MYO10: variants seen among roughly 807,000 people sequenced by gnomAD.
MYO10 encodes unconventional myosin-X.
MYO10 carries 133 observed loss-of-function variants against 257.3 expected under a neutral mutation model. The ratio of observed to expected loss-of-function variants is 0.52; its 90% CI spans 0.45 to 0.60. The LOEUF is 0.60. MYO10 is among the 20% of genes least tolerant of loss of function. The probability of loss-of-function intolerance (pLI) is 0.00; values close to 1 mark genes in which losing one functional copy is unlikely to be tolerated. For missense variants in MYO10, 2,399 were observed against 2,635.7 expected, an observed-to-expected ratio of 0.91 and a Z score of 1.97; for synonymous variants, 1,104 against 1,028.6, an observed-to-expected ratio of 1.07 and a Z score of -1.40.
At chr5:16,826,250 C>T (rs1479240704) in intron 2 of MYO10, among the ~76,000 whole-genome samples, 1 of 152,088 alleles carries the variant, frequency 6.6e-6, no homozygotes, top group Non-Finnish European at 1.5e-5. Flanking sequence ...TTGACCTCTC[C>T]TAGATCTATG....
intron 27 of MYO10, 94 bp from the exon 28 acceptor site, chr5:16,690,013 G>T: frequency 1.1e-6 from 1 of 921,092 alleles, no homozygotes; most frequent in Non-Finnish European, 1.8e-6. Flanking sequence ...CTAGAGTTGG[G>T]AACTGTCTGT....
intron 19 of MYO10, among the ~76,000 whole-genome samples, chr5:16,717,665 A>G (rs1280871518): frequency 6.6e-6 from 1 of 152,220 alleles, no homozygotes; most frequent in Non-Finnish European, 1.5e-5. Context: ...ACGGACAATC[A>G]TCAGCGGACC....
At chr5:16,688,694 T>A (rs758526845) in intron 28 of MYO10, among the ~76,000 whole-genome samples, 1 of 150,128 alleles carries the variant, frequency 6.7e-6, no homozygotes, top group Non-Finnish European at 1.5e-5. Context: ...GAGCCAAGAT[T>A]GCACCAGTGC....
At position 16,902,465 on chromosome 5, in the gene MYO10, G is replaced by A. The variant is rs549063827; in HGVS notation, c.22-24758C>T. Reference sequence around the variant, plus strand: ...ACAGCTTGGGAAGCACATAGGCATCGAAGACGCTCGCTTCAGACATGTCCC... The same window carrying A: ...ACAGCTTGGGAAGCACATAGGCATCAAAGACGCTCGCTTCAGACATGTCCC... On this transcript the variant is annotated intron_variant, in intron 1 of 40. Transcript: ENST00000513610. 74 of 1,450,794 alleles carry A rather than the reference G, an allele frequency of 5.1e-5. No homozygotes were observed. The East Asian group carries it at 1.2e-3, about 23-fold the overall frequency. The allele number at this position is 1,450,794 out of a possible 1,614,324, so 89.9% of individuals were successfully genotyped here.
intron 3 of MYO10, chr5:16,814,508 T>A (rs1257012584): frequency 1.3e-5 from 2 of 152,154 alleles, no homozygotes; most frequent in African/African-American, 2.4e-5. Context: ...AGAAAACTAA[T>A]GCAACATCTC....
At chr5:16,759,865 A>T (rs2126647912) in intron 17 of MYO10, among the ~76,000 whole-genome samples, 1 of 152,336 alleles carries the variant, frequency 6.6e-6, no homozygotes, top group Non-Finnish European at 1.5e-5. Context: ...CCTCACATAG[A>T]AGAGTTAAAA....
intron 3 of MYO10, 145 bp from the exon 4 acceptor site, chr5:16,794,978 A>C (rs1459452903): frequency 1.1e-5 from 6 of 551,144 alleles, no homozygotes; most frequent in Admixed American, 4.1e-5. Flanking sequence ...CTGGGTACCA[A>C]ATCTTGATAT....
chr5:16,888,496 G>A (rs190249667), intron 1 of MYO10, among the ~76,000 whole-genome samples: 46 of 152,064 alleles, frequency 3.0e-4, no homozygotes, highest in Non-Finnish European at 6.3e-4. Flanking sequence ...TCAGGAGGCT[G>A]AGGCAGGAGA....
intron 17 of MYO10, among the ~76,000 whole-genome samples, chr5:16,760,861 G>A (rs31509): frequency 0.72 from 109,122 of 151,942 alleles, 39,472 homozygotes; most frequent in African/African-American, 0.77. Context: ...CTGCTTCAAG[G>A]CTCGGTTTCC....
intron 1 of MYO10, among the ~76,000 whole-genome samples, chr5:16,891,048 C>T (rs1168295210): frequency 1.3e-5 from 2 of 151,604 alleles, no homozygotes; most frequent in South Asian, 4.1e-4. Flanking sequence ...TTTGGGAGGC[C>T]GATACAGGCG....
At chr5:16,683,187 C>T (rs1235408561) in intron 30 of MYO10, among the ~76,000 whole-genome samples, 1 of 152,178 alleles carries the variant, frequency 6.6e-6, no homozygotes, top group Non-Finnish European at 1.5e-5. Flanking sequence ...TTTTAACACA[C>T]TCGTATTCAC....
At chr5:16,678,764 G>A (rs911931221) in intron 33 of MYO10, among the ~76,000 whole-genome samples, 1 of 152,196 alleles carries the variant, frequency 6.6e-6, no homozygotes, top group Non-Finnish European at 1.5e-5. Context: ...GATCTGGTTA[G>A]CTAATTTCCT....
intron 3 of MYO10, among the ~76,000 whole-genome samples, chr5:16,800,957 A>C (rs914546778): frequency 6.6e-6 from 1 of 152,184 alleles, no homozygotes; most frequent in Admixed American, 6.5e-5. Flanking sequence ...TTTTCCAAAA[A>C]GATTTGTATT....
rs551751326 is a variant in MYO10 at position 16,900,684 on chromosome 5, A to C, written c.22-22977T>G. 8.6e-5 allele frequency among the ~76,000 whole-genome samples: 13 copies of C among 150,730 alleles called. 1 individual carries two copies. The South Asian group carries it at 2.5e-3, about 29-fold the overall frequency. On this transcript the variant is annotated intron_variant, in intron 1 of 40. Transcript: ENST00000513610. ...CCCCAAACCCACCCCATCCCTCTTC[A>C]TTCTATGCCAACTAGCAACCAGCAT...
intron 2 of MYO10, among the ~76,000 whole-genome samples, chr5:16,818,880 C>T (rs1285437853): frequency 6.6e-6 from 1 of 152,142 alleles, no homozygotes; most frequent in Admixed American, 6.5e-5. Flanking sequence ...CATTATTTCT[C>T]CATTTGATAT....
chr5:16,925,706 C>G (rs1422573631), intron 1 of MYO10, among the ~76,000 whole-genome samples: 2 of 152,198 alleles, frequency 1.3e-5, no homozygotes, highest in African/African-American at 4.8e-5. Context: ...GCCACCGTGT[C>G]CGGCCTCAGT....
intron 1 of MYO10, among the ~76,000 whole-genome samples, chr5:16,886,385 A>C (rs1744898214): frequency 6.6e-6 from 1 of 152,226 alleles, no homozygotes; most frequent in Non-Finnish European, 1.5e-5. Context: ...GGCAACCGCA[A>C]GAACAACTGT....
chr5:16,726,411 G>A (rs1739368952), intron 19 of MYO10, among the ~76,000 whole-genome samples: 1 of 152,174 alleles, frequency 6.6e-6, no homozygotes, highest in Non-Finnish European at 1.5e-5. Context: ...GGCTTACTGT[G>A]TCAGCTTTCA....
chr5:16,796,222 C>CGAGAGG (rs1560989473), intron 3 of MYO10, among the ~76,000 whole-genome samples: 1 of 103,304 alleles, frequency 9.7e-6, no homozygotes, highest in Non-Finnish European at 1.9e-5. Context: ...AGAGAGAGAG[C>CGAGAGG]GAGAAAGAGA....
Sources: allele counts gnomAD v4.1 joint callset (sites outside exome capture counted in the v4.1 genomes callset), GRCh38; gene constraint gnomAD v4.1.1; transcripts MANE v1.5; gene names NCBI Gene and HGNC (gene_info 2026-07-23, HGNC 2026-07-21).